The following TBC1D14 variants were observed in gnomAD, a reference collection of about 807,000 sequenced individuals.
The protein encoded by TBC1D14 is TBC1 domain family, member 14.
Under a neutral mutation model 79.0 loss-of-function variants are expected in TBC1D14, and 26 were observed. The observed-to-expected ratio is 0.33, with a 90% confidence interval of 0.24 to 0.46. The LOEUF is 0.46. Among genes scored for constraint, TBC1D14 ranks in the 20% least tolerant of loss-of-function variants. TBC1D14 has a pLI of 1.00. For synonymous variants in TBC1D14, 394 were observed against 349.9 expected (o/e 1.13, Z -1.40); for missense variants, 769 against 887.6 (o/e 0.87, Z 1.70).
chr4:6,931,299 T>G (rs2108945951), intron 2 of TBC1D14, among the ~76,000 whole-genome samples: 1 of 152,354 alleles, frequency 6.6e-6, no homozygotes, highest in South Asian at 2.1e-4. Context: ...GCAGATTGAT[T>G]ACCTCTCGAT....
intron 2 of TBC1D14, among the ~76,000 whole-genome samples, chr4:6,925,427 G>A (rs535756738): frequency 2.6e-5 from 4 of 152,260 alleles, no homozygotes; most frequent in East Asian, 1.9e-4. Flanking sequence ...TTGCAGTACC[G>A]GGTGTCCCTT....
chr4:6,937,506 G>A (rs1173190249), intron 2 of TBC1D14, among the ~76,000 whole-genome samples: 1 of 152,180 alleles, frequency 6.6e-6, no homozygotes, highest in African/African-American at 2.4e-5. Context: ...GGTTGTAGCA[G>A]TGGGGATGGT....
In TBC1D14 at chr4:6,918,952, C is replaced by G. The variant is rs374134610; in HGVS notation, c.-17-4421C>G. Among the ~76,000 whole-genome samples, 33 of 152,176 alleles carry G rather than the reference C, an allele frequency of 2.2e-4. No individual in the cohort carries two copies. In the East Asian group the frequency reaches 5.8e-3, roughly 27 times the overall value. ...GTTAGAAACTTGGATTCTTCCCAAG[C>G]AGGGGACACACAGAGGGTCTGCAGT... On this transcript the variant is annotated intron_variant, in intron 1 of 13. Coordinates refer to ENST00000409757, the MANE Select transcript of TBC1D14 (RefSeq NM_020773.3).
chr4:7,010,913 C>T (rs1206836503), intron 11 of TBC1D14, 132 bp downstream of exon 11: 1 of 1,105,014 alleles, frequency 9.0e-7, no homozygotes, highest in African/African-American at 1.6e-5. Flanking sequence ...GTAAGCAGCA[C>T]TGTAAGGTGG....
At chr4:7,014,641 G>A (rs1453982529) in intron 12 of TBC1D14, 84 bp downstream of exon 12, 3 of 961,788 alleles carry the variant, frequency 3.1e-6, no homozygotes, top group Non-Finnish European at 4.9e-6. Flanking sequence ...ACTTCTTCAT[G>A]GCCCGGCTGA....
In TBC1D14 at chr4:7,012,921, T is replaced by G. The variant is rs150745095; in HGVS notation, c.1648-1527T>G. On this transcript the variant is annotated intron_variant, in intron 11 of 13. Coordinates refer to ENST00000409757, the MANE Select transcript of TBC1D14 (RefSeq NM_020773.3). ...TCATTGGCACAGTATATACTGGCCTTACGTTGCTTGTGATATTAATTCCTG... is the reference window on the plus strand; with the variant it reads ...TCATTGGCACAGTATATACTGGCCTGACGTTGCTTGTGATATTAATTCCTG... 1.7e-3 allele frequency among the ~76,000 whole-genome samples: 265 copies of G among 152,346 alleles called. 3 individuals carry two copies. The highest frequency in any genetic ancestry group is 2.3e-3 in the East Asian group (12 of 5,192).
At chr4:6,916,561 G>T (rs890861199) in intron 1 of TBC1D14, among the ~76,000 whole-genome samples, 1 of 152,148 alleles carries the variant, frequency 6.6e-6, no homozygotes, top group East Asian at 1.9e-4. Flanking sequence ...AAAGCCCCAC[G>T]CAGAGTCACT....
At chr4:6,968,940 G>C (rs1715967262) in intron 3 of TBC1D14, among the ~76,000 whole-genome samples, 1 of 152,230 alleles carries the variant, frequency 6.6e-6, no homozygotes, top group Non-Finnish European at 1.5e-5. Flanking sequence ...GGATTGACTT[G>C]CTGGGTGACC....
intron 2 of TBC1D14, among the ~76,000 whole-genome samples, chr4:6,955,455 T>G (rs1480295560): frequency 1.3e-5 from 2 of 152,164 alleles, no homozygotes; most frequent in African/African-American, 4.8e-5. Flanking sequence ...AAGTGCCTGG[T>G]GCAGCACTAG....
At chr4:7,029,573 C>G (rs1722833142) in intron 13 of TBC1D14, among the ~76,000 whole-genome samples, 1 of 152,182 alleles carries the variant, frequency 6.6e-6, no homozygotes, top group Non-Finnish European at 1.5e-5. Flanking sequence ...GGCATGGTGG[C>G]TCAAGCACTT....
At chr4:7,014,391 T>G (rs1474391842) in intron 11 of TBC1D14, 57 bp from the exon 12 acceptor site, 4 of 1,204,064 alleles carry the variant, frequency 3.3e-6, no homozygotes, top group Non-Finnish European at 3.6e-6. Context: ...TTGACTTTTT[T>G]GTAAATTGAA....
intron 3 of TBC1D14, chr4:6,987,562 C>G (rs577453997): frequency 4.9e-6 from 2 of 411,386 alleles, no homozygotes; most frequent in South Asian, 2.2e-4. Context: ...GCTCTCCTCC[C>G]TGGTACTCTT....
intron 3 of TBC1D14, among the ~76,000 whole-genome samples, chr4:6,977,948 G>A (rs1234744907): frequency 5.3e-4 from 80 of 149,586 alleles, no homozygotes; most frequent in African/African-American, 1.9e-3. Context: ...TGAGAAGTGA[G>A]GAGACCCTCT....
intron 2 of TBC1D14, among the ~76,000 whole-genome samples, chr4:6,931,982 G>A (rs1474399893): frequency 6.6e-6 from 1 of 151,914 alleles, no homozygotes; most frequent in Non-Finnish European, 1.5e-5. Context: ...GGTGGTACGA[G>A]GTCCTGGGAG....
In TBC1D14 at chr4:6,995,012, G is replaced by A. The variant is rs569688762; in HGVS notation, c.962+710G>A. On this transcript the variant is annotated intron_variant, in intron 4 of 13. Transcript: ENST00000409757. ...TGAAGTCCAGTCGTTTTCATGCTCTGAAAGGTGAACTGGCGGACTCTCCTG... is the reference window on the plus strand; with the variant it reads ...TGAAGTCCAGTCGTTTTCATGCTCTAAAAGGTGAACTGGCGGACTCTCCTG... Among the ~76,000 whole-genome samples the A allele has an allele frequency of 6.7e-4, 102 of 152,268 alleles. 1 individual carries two copies. The highest frequency in any genetic ancestry group is 3.4e-3 in the Middle Eastern group (1 of 294).
At chr4:6,958,191 G>T (rs1380462012) in intron 2 of TBC1D14, among the ~76,000 whole-genome samples, 1 of 151,906 alleles carries the variant, frequency 6.6e-6, no homozygotes, top group Non-Finnish European at 1.5e-5. Context: ...CTGTCCAGAT[G>T]ACTGCTCCAG....
At chr4:6,935,757 C>A (rs1200351781) in intron 2 of TBC1D14, among the ~76,000 whole-genome samples, 1 of 152,034 alleles carries the variant, frequency 6.6e-6, no homozygotes, top group African/African-American at 2.4e-5. Flanking sequence ...GATTCTCCTG[C>A]CACAGCCTCC....
At chr4:6,961,702 A>G (rs981347970) in intron 2 of TBC1D14, among the ~76,000 whole-genome samples, 1 of 152,096 alleles carries the variant, frequency 6.6e-6, no homozygotes, top group Non-Finnish European at 1.5e-5. Context: ...CTTACAGAAG[A>G]TGGCCCTGGT....
chr4:6,964,445 C>T (rs1375989809), intron 2 of TBC1D14, among the ~76,000 whole-genome samples: 2 of 152,208 alleles, frequency 1.3e-5, no homozygotes, highest in African/African-American at 2.4e-5. Context: ...AGACAGACAA[C>T]GCCTCTTCAG....
Sources: gnomAD v4.1 joint callset for allele counts (sites outside exome capture counted in the v4.1 genomes callset) on GRCh38, gnomAD v4.1.1 for gene constraint, MANE v1.5 for transcripts, NCBI Gene and HGNC (gene_info 2026-07-23, HGNC 2026-07-21) for gene names.